SYN2: variants seen among roughly 807,000 people sequenced by gnomAD.
SYN2 encodes the protein synapsin-2.
In SYN2, 19 loss-of-function variants were observed where a neutral mutation model predicts 50.9. The ratio of observed to expected loss-of-function variants is 0.37; its 90% CI spans 0.26 to 0.55. The LOEUF is 0.55. Ranked by LOEUF, SYN2 falls within the 20% of genes least tolerant of loss-of-function variation. The pLI, the probability that SYN2 is intolerant of heterozygous loss-of-function variation, is 0.81. For missense variants in SYN2, 587 were observed against 576.4 expected, an observed-to-expected ratio of 1.02 and a Z score of -0.19; for synonymous variants, 255 against 224.9, an observed-to-expected ratio of 1.13 and a Z score of -1.20.
intron 1 of SYN2, among the ~76,000 whole-genome samples, chr3:12,077,215 G>A (rs762782354): frequency 3.4e-4 from 51 of 151,806 alleles, no homozygotes; most frequent in African/African-American, 1.1e-3. Context: ...CAATTAAGAT[G>A]GTTTCACTCC....
At position 12,136,026 on chromosome 3, in the gene SYN2, C is replaced by T. The variant is rs570875406; in HGVS notation, c.378-4625C>T. On this transcript the variant is annotated intron_variant, in intron 1 of 12. Transcript: ENST00000621198. Reference sequence around the variant, plus strand: ...AAGCATTGTTACATAATCTAGTGGTCTGAGGCGTAGGTGGGGGAGCAGTGT... The same window carrying T: ...AAGCATTGTTACATAATCTAGTGGTTTGAGGCGTAGGTGGGGGAGCAGTGT... Among the ~76,000 whole-genome samples, 41 of 152,246 alleles carry T rather than the reference C, an allele frequency of 2.7e-4. No homozygotes were observed. The South Asian group carries it at 7.9e-3, about 29-fold the overall frequency.
intron 1 of SYN2, among the ~76,000 whole-genome samples, chr3:12,077,153 G>T (rs1463294611): frequency 1.3e-5 from 2 of 152,010 alleles, no homozygotes; most frequent in Non-Finnish European, 2.9e-5. Flanking sequence ...AAGTTAATAT[G>T]GTTAGTTAGG....
chr3:12,049,270 G>A (rs563452691), intron 1 of SYN2, among the ~76,000 whole-genome samples: 2 of 152,206 alleles, frequency 1.3e-5, no homozygotes, highest in South Asian at 2.1e-4. Flanking sequence ...CATAATCCTA[G>A]CACTTTGGGA....
At chr3:12,174,116 CT>C (rs779389170) in intron 10 of SYN2, among the ~76,000 whole-genome samples, 14 of 151,978 alleles carry the variant, frequency 9.2e-5, no homozygotes, top group Non-Finnish European at 1.6e-4. Context: ...TCTTCCACTT[CT>C]GCTGAGTGTC....
chr3:12,174,666 G>A (rs1698020654), intron 10 of SYN2, among the ~76,000 whole-genome samples: 1 of 152,140 alleles, frequency 6.6e-6, no homozygotes, highest in Non-Finnish European at 1.5e-5. Context: ...TATTTTAGTA[G>A]AGACGGGATT....
chr3:12,045,840 TAAG>T (rs1294803026), intron 1 of SYN2, among the ~76,000 whole-genome samples: 3 of 152,060 alleles, frequency 2.0e-5, no homozygotes, highest in Non-Finnish European at 1.5e-5. Context: ...CTGGCGGAGT[TAAG>T]AAGAAAAAAG....
intron 12 of SYN2, among the ~76,000 whole-genome samples, chr3:12,187,985 CTT>C (rs1698379719): frequency 6.7e-6 from 1 of 149,780 alleles, no homozygotes; most frequent in Admixed American, 6.7e-5. Context: ...GTCTCCCACT[CTT>C]TTTTCCATTC....
chr3:12,041,981 G>A (rs773678953), intron 1 of SYN2, among the ~76,000 whole-genome samples: 1 of 152,108 alleles, frequency 6.6e-6, no homozygotes, highest in Non-Finnish European at 1.5e-5. Context: ...TTCCTTCAAT[G>A]CTAGCATTGG....
chr3:12,151,354 T>C (rs1379570912), intron 5 of SYN2, 28 bp downstream of exon 5: 2 of 1,572,350 alleles, frequency 1.3e-6, no homozygotes, highest in South Asian at 1.1e-5. Flanking sequence ...GACATTAGTC[T>C]TTCTGCTGTT....
intron 1 of SYN2, among the ~76,000 whole-genome samples, chr3:12,069,468 C>T (rs1695295027): frequency 6.6e-6 from 1 of 151,974 alleles, no homozygotes; most frequent in South Asian, 2.1e-4. Context: ...AGGCTGGTCT[C>T]AAATTACTGA....
intron 1 of SYN2, among the ~76,000 whole-genome samples, chr3:12,060,382 A>G (rs891940727): frequency 1.3e-5 from 2 of 152,192 alleles, no homozygotes; most frequent in African/African-American, 4.8e-5. Context: ...AAAGACTACC[A>G]GAGTCTTATC....
chr3:12,139,775 A>G (rs1379933380), intron 1 of SYN2, among the ~76,000 whole-genome samples: 3 of 152,240 alleles, frequency 2.0e-5, no homozygotes, highest in Non-Finnish European at 4.4e-5. Context: ...TAACAGGTAG[A>G]GTATGGAAAG....
rs146037511 is a variant in SYN2, at chr3:12,190,895, C to G, written c.*270C>G. The stretch of plus-strand genomic sequence containing the variant: ...AGAGCTTCCTTCTGAAGTCATCGTT[C>G]GCTGTGAGTTTAGTGGCCTTATTGT... On this transcript the variant is annotated 3_prime_UTR_variant, in exon 13 of 13. Coordinates refer to ENST00000621198, the MANE Select transcript of SYN2 (RefSeq NM_133625.6). 5.0e-6 allele frequency: 6 copies of G among 1,197,372 alleles called. No homozygotes were observed. The highest frequency in any genetic ancestry group is 9.5e-5 in the Admixed American group (2 of 21,092). 74.2% of individuals were successfully genotyped at this position (1,197,372 alleles called of 1,614,324 possible). A position where few individuals can be genotyped will look rare whatever the true frequency, so the allele number is the denominator to read the frequency against.
chr3:12,005,148 C>T (rs1693768342), intron 1 of SYN2, among the ~76,000 whole-genome samples: 2 of 152,184 alleles, frequency 1.3e-5, no homozygotes, highest in Admixed American at 6.5e-5. Context: ...TAAAATACCC[C>T]TCAATTGCCC....
chr3:12,062,466 C>A (rs535544752), intron 1 of SYN2, among the ~76,000 whole-genome samples: 1 of 151,708 alleles, frequency 6.6e-6, no homozygotes, highest in Non-Finnish European at 1.5e-5. Flanking sequence ...AGATACAGCA[C>A]CAAAAACATA....
At chr3:12,063,759 G>C (rs1160267895) in intron 1 of SYN2, among the ~76,000 whole-genome samples, 2 of 151,888 alleles carry the variant, frequency 1.3e-5, no homozygotes, top group South Asian at 4.1e-4. Context: ...AATAGTTTGA[G>C]CAAGAAAATA....
intron 1 of SYN2, among the ~76,000 whole-genome samples, chr3:12,021,784 G>T (rs981264334): frequency 1.3e-5 from 2 of 151,990 alleles, no homozygotes; most frequent in African/African-American, 4.8e-5. Context: ...CAGATTCTTG[G>T]CTGGGCGCGG....
chr3:12,068,469 G>T (rs1695269450), intron 1 of SYN2, among the ~76,000 whole-genome samples: 2 of 152,152 alleles, frequency 1.3e-5, no homozygotes, highest in South Asian at 4.1e-4. Context: ...GAATCTTGGT[G>T]AGAATCTATT....
intron 1 of SYN2, among the ~76,000 whole-genome samples, chr3:12,093,632 A>ATT (rs1418421093): frequency 6.6e-6 from 1 of 152,160 alleles, no homozygotes; most frequent in Non-Finnish European, 1.5e-5. Flanking sequence ...TGATGTGGGA[A>ATT]AAACTAAGCA....
Sources: gnomAD v4.1 joint callset for allele counts (sites outside exome capture counted in the v4.1 genomes callset) on GRCh38, gnomAD v4.1.1 for gene constraint, MANE v1.5 for transcripts, NCBI Gene and HGNC (gene_info 2026-07-23, HGNC 2026-07-21) for gene names.